Variants in POTEC observed in about 807,000 individuals in gnomAD.
The protein encoded by POTEC is ANKRD26-like family B member 2.
Under a neutral mutation model 62.0 loss-of-function variants are expected in POTEC, and 35 were observed. The observed-to-expected ratio is 0.56, with a 90% CI of 0.43 to 0.75. POTEC has a LOEUF of 0.75. Among genes scored for constraint, POTEC ranks in the 30% least tolerant of loss-of-function variants. The probability of loss-of-function intolerance (pLI) is 0.00; values close to 1 mark genes in which losing one functional copy is unlikely to be tolerated. For missense variants in POTEC, 472 were observed against 655.9 expected, an observed-to-expected ratio of 0.72 and a Z score of 3.06; for synonymous variants, 156 against 221.5, an observed-to-expected ratio of 0.70 and a Z score of 2.62.
rs561823755 is a variant in POTEC, at chr18:14,508,400, G to A, written c.*3498C>T. ...ATGAGATGGAGCTGGTCTGACCTCA[G>A]CCCTCCCTAGTCTGCTTGCCTCTCC... On this transcript the variant is annotated 3_prime_UTR_variant, in exon 11 of 11. Transcript: ENST00000358970. 3 of 152,632 alleles carry A rather than the reference G, an allele frequency of 2.0e-5. No individual in the cohort carries two copies. The highest frequency in any genetic ancestry group is 4.1e-4 in the South Asian group (2 of 4,824). The allele number at this position is 152,632 out of a possible 1,614,324, so 9.5% of individuals were successfully genotyped here.
Position 14,543,578 on chromosome 18 carries a change from T to A in POTEC, c.-432A>T, listed in dbSNP as rs539123907. On this transcript the variant is annotated 5_prime_UTR_variant, in exon 1 of 11. Transcript: ENST00000358970. Reference sequence around the variant, plus strand: ...AGGAACGCAAAGCGAAGCGTACCCGTTACAGGTAAGCCAAGCCGTTATGCG... The same window carrying A: ...AGGAACGCAAAGCGAAGCGTACCCGATACAGGTAAGCCAAGCCGTTATGCG... The A allele has an allele frequency of 2.3e-4, 64 of 277,092 alleles. No homozygotes were observed. The highest frequency in any genetic ancestry group is 2.3e-3 in the Admixed American group (39 of 17,142). 17.2% of individuals were successfully genotyped at this position (277,092 alleles called of 1,614,324 possible).
chr18:14,512,711 C>T (rs1910040094), intron 10 of POTEC, among the ~76,000 whole-genome samples: 1 of 152,118 alleles, frequency 6.6e-6, no homozygotes, highest in Non-Finnish European at 1.5e-5. Flanking sequence ...GCAGAGGTTG[C>T]AGTGAACTGA....
chr18:14,543,160 C>A lies in POTEC; in HGVS notation c.-14G>T. The stretch of plus-strand genomic sequence containing the variant: ...CTCAGTCACCATCTGCTTTTAACAG[C>A]CCGGGGAGGCCGGTAGTAGCGAACA... On this transcript the variant is annotated 5_prime_UTR_variant, in exon 1 of 11. Transcript: ENST00000358970. 6.2e-7 allele frequency: 1 copy of A among 1,613,548 alleles called. No homozygotes were observed. The highest frequency in any genetic ancestry group is 8.5e-7 in the Non-Finnish European group (1 of 1,179,854).
At chr18:14,525,043 G>C (rs1910402340) in intron 6 of POTEC, 60 bp from the exon 7 acceptor site, 3 of 1,573,136 alleles carry the variant, frequency 1.9e-6, no homozygotes, top group Non-Finnish European at 2.6e-6. Context: ...AAAAACTATT[G>C]CCTTTATAAA....
chr18:14,530,725 T>C (rs976660288), intron 5 of POTEC, among the ~76,000 whole-genome samples, 172 bp from the exon 6 acceptor site: 9 of 152,130 alleles, frequency 5.9e-5, no homozygotes, highest in Admixed American at 5.9e-4. Context: ...AAGCTTCTAA[T>C]TAAAGCAGAA....
rs1905793453 is a variant in POTEC, at chr18:14,537,805, T to C, written c.806A>G (p.Asn269Ser). 6.2e-7 allele frequency: 1 copy of C among 1,610,952 alleles called. No homozygotes were observed. Among genetic ancestry groups the C allele is most frequent in the African/African-American group, 1.3e-5 (1 of 74,782 alleles). Residue 269 changes from asparagine (N) to serine (S), a missense_variant, in exon 3 of 11, where the codon AAC becomes AGC. Physicochemically the swap from Asn to Ser is conservative, Grantham distance 46. This residue lies in a region of POTEC where 83 missense variants were observed against 254.3 expected (regional missense o/e 0.33). Coordinates refer to ENST00000358970, the MANE Select transcript of POTEC (RefSeq NM_001137671.2). ...ATAAAATTGGTAGATCTATACCTTG[T>C]TTTTTGATTCAATATCAGCACCATA... ...LLYGADIESK[N>S]KCGLTPLLLG...
chr18:14,511,080 T>C lies in POTEC; in HGVS notation c.*818A>G, dbSNP rs1909994300. The C allele has an allele frequency of 6.6e-6, 1 of 151,916 alleles. No homozygotes were observed. The highest frequency in any genetic ancestry group is 1.5e-5 in the Non-Finnish European group (1 of 68,026). 9.4% of individuals were successfully genotyped at this position (151,916 alleles called of 1,614,324 possible). ...TGTGCTGAGGTACCACTTCCACCCCTGGTCAGCTTGGGCTCTCCAAAGCCC... is the reference window on the plus strand; with the variant it reads ...TGTGCTGAGGTACCACTTCCACCCCCGGTCAGCTTGGGCTCTCCAAAGCCC... On this transcript the variant is annotated 3_prime_UTR_variant, in exon 11 of 11. Transcript: ENST00000358970.
intron 9 of POTEC, among the ~76,000 whole-genome samples, chr18:14,514,873 A>G (rs1303153049): frequency 6.6e-6 from 1 of 152,290 alleles, no homozygotes; most frequent in East Asian, 1.9e-4. Context: ...GTTACAAAAT[A>G]TACAAATACC....
chr18:14,517,164 T>G (rs532784447), intron 9 of POTEC, among the ~76,000 whole-genome samples: 2 of 151,472 alleles, frequency 1.3e-5, no homozygotes, highest in Non-Finnish European at 2.9e-5. Flanking sequence ...TAAAATGAAG[T>G]CTACAATTCT....
At chr18:14,514,987 T>C (rs1353301530) in intron 9 of POTEC, among the ~76,000 whole-genome samples, 3 of 152,302 alleles carry the variant, frequency 2.0e-5, no homozygotes, top group Admixed American at 2.0e-4. Context: ...CCTAGGAATA[T>C]ACTTAATGAA....
chr18:14,530,391 C>G (rs1282070926), intron 6 of POTEC, 92 bp downstream of exon 6: 2 of 1,582,054 alleles, frequency 1.3e-6, no homozygotes, highest in African/African-American at 2.7e-5. Flanking sequence ...TTCCCCCAGC[C>G]CATGGAAACA....
intron 1 of POTEC, among the ~76,000 whole-genome samples, chr18:14,542,196 G>A (rs560948353): frequency 3.9e-5 from 6 of 152,156 alleles, no homozygotes; most frequent in East Asian, 3.9e-4. Context: ...AGTAAAGAAC[G>A]TATTTACATA....
At chr18:14,536,420 A>C (rs886992653) in intron 3 of POTEC, among the ~76,000 whole-genome samples, 5 of 151,822 alleles carry the variant, frequency 3.3e-5, no homozygotes, top group Admixed American at 1.3e-4. Flanking sequence ...GTTGTTAGAG[A>C]CAGGGTCTCA....
At chr18:14,540,160 T>C (rs1296587661) in intron 1 of POTEC, among the ~76,000 whole-genome samples, 4 of 152,072 alleles carry the variant, frequency 2.6e-5, no homozygotes, top group Non-Finnish European at 4.4e-5. Flanking sequence ...AAAATGTATA[T>C]ACAATAAAAT....
chr18:14,543,591 A>C lies in POTEC; in HGVS notation c.-445T>G, dbSNP rs1379397207. On this transcript the variant is annotated 5_prime_UTR_variant, in exon 1 of 11. Transcript: ENST00000358970. The stretch of plus-strand genomic sequence containing the variant: ...GAAGCGTACCCGTTACAGGTAAGCC[A>C]AGCCGTTATGCGCGTGCGGGGCGCG... 1 of 243,032 alleles carries C rather than the reference A, an allele frequency of 4.1e-6. No homozygotes were observed. Among genetic ancestry groups the C allele is most frequent in the Non-Finnish European group, 7.4e-6 (1 of 135,562 alleles). The allele number at this position is 243,032 out of a possible 1,614,324, so 15.1% of individuals were successfully genotyped here. A position where few individuals can be genotyped will look rare whatever the true frequency, so the allele number is the denominator to read the frequency against.
At chr18:14,514,285 G>A (rs1166277983) in intron 9 of POTEC, among the ~76,000 whole-genome samples, 1 of 151,664 alleles carries the variant, frequency 6.6e-6, no homozygotes. Flanking sequence ...TAATGTCACC[G>A]CTGATCTGAC....
At chr18:14,542,563 C>T in intron 1 of POTEC, 63 bp downstream of exon 1, 1 of 1,607,076 alleles carries the variant, frequency 6.2e-7, no homozygotes, top group Non-Finnish European at 8.5e-7. Flanking sequence ...CCTCCCTGCG[C>T]CAGGAGGGTA....
At chr18:14,512,516 T>C (rs1910035675) in intron 10 of POTEC, among the ~76,000 whole-genome samples, 1 of 152,274 alleles carries the variant, frequency 6.6e-6, no homozygotes, top group Non-Finnish European at 1.5e-5. Context: ...CTAAGCATTG[T>C]ACCCTTCTAC....
rs1025294548 is a variant in POTEC, at chr18:14,536,106, T to TA, written c.811-1100dup. ...AACATGGCAAAAACCTCATCTCTACTAAAAAAAAAATACAAAAACAGATTG... is the reference window on the plus strand; with the variant it reads ...AACATGGCAAAAACCTCATCTCTACTAAAAAAAAAAATACAAAAACAGATTG... On this transcript the variant is annotated intron_variant, in intron 3 of 10. Transcript: ENST00000358970. Among the ~76,000 whole-genome samples the TA allele has an allele frequency of 2.7e-3, 393 of 147,336 alleles. 2 individuals are homozygous for TA. Among genetic ancestry groups the TA allele is most frequent in the African/African-American group, 9.0e-3 (360 of 40,150 alleles).
Sources: gnomAD v4.1 joint callset for allele counts (sites outside exome capture counted in the v4.1 genomes callset) on GRCh38, gnomAD v4.1.1 for gene constraint, gnomAD v4.1.1 regional missense constraint, MANE v1.5 for transcripts, NCBI Gene and HGNC (gene_info 2026-07-23, HGNC 2026-07-21) for gene names.